CA12: variants seen among roughly 807,000 people sequenced by gnomAD.
CA12 encodes the protein carbonic anhydrase 12.
A neutral mutation model predicts 46.8 loss-of-function variants in CA12; 36 were observed. The ratio of observed to expected loss-of-function variants is 0.77; its 90% confidence interval spans 0.59 to 1.02. The LOEUF (loss-of-function observed/expected upper bound fraction) is 1.02, where lower values mean the gene tolerates loss of function less well. Ranked by LOEUF, CA12 falls within the 50% of genes least tolerant of loss-of-function variation. The probability of loss-of-function intolerance (pLI) is 0.00; values close to 1 mark genes in which losing one functional copy is unlikely to be tolerated. For missense variants in CA12, 436 were observed against 451.4 expected (o/e 0.97, Z 0.31); for synonymous variants, 202 against 187.0 (o/e 1.08, Z -0.65).
At chr15:63,337,392 A>G (rs934239444) in intron 8 of CA12, among the ~76,000 whole-genome samples, 1 of 152,210 alleles carries the variant, frequency 6.6e-6, no homozygotes, top group East Asian at 1.9e-4. Flanking sequence ...AACCCAAAAA[A>G]GTGCACCAGG....
chr15:63,359,292 C>G (rs1256071359), intron 2 of CA12, among the ~76,000 whole-genome samples: 1 of 151,860 alleles, frequency 6.6e-6, no homozygotes, highest in East Asian at 1.9e-4. Flanking sequence ...CTTTTCCTCC[C>G]CCTTCCTCCC....
chr15:63,376,998 G>C (rs946878162), intron 1 of CA12, among the ~76,000 whole-genome samples: 1 of 152,114 alleles, frequency 6.6e-6, no homozygotes, highest in Non-Finnish European at 1.5e-5. Context: ...AGAATTCCAG[G>C]GGTAGTAGGA....
At position 63,328,867 on chromosome 15, in the gene CA12, A is replaced by C. The variant is rs2152609925; in HGVS notation, c.875-737T>G. ...AGGCGTGCACCACAACGCTTGGCTA[A>C]TTTTTGTATTTTTAGTAGAGATGGG... is the stretch of plus-strand genomic sequence containing the variant. On this transcript the variant is annotated intron_variant, in intron 8 of 10. Coordinates refer to ENST00000178638, the MANE Select transcript of CA12 (RefSeq NM_001218.5). This position sits in a 1 kb window ranked among gnomAD's most constrained non-coding sequence, Gnocchi z 5.9. 6.6e-6 allele frequency among the ~76,000 whole-genome samples: 1 copy of C among 151,960 alleles called. No homozygotes were observed. Among genetic ancestry groups the C allele is most frequent in the African/African-American group, 2.4e-5 (1 of 41,432 alleles).
intron 8 of CA12, among the ~76,000 whole-genome samples, chr15:63,334,736 G>A (rs2038977886): frequency 6.6e-6 from 1 of 152,134 alleles, no homozygotes; most frequent in Non-Finnish European, 1.5e-5. Context: ...TACTTCAGAG[G>A]CATCTGCACC....
In CA12 at chr15:63,381,698, G is replaced by A; in HGVS notation, c.23C>T (p.Ala8Val). The change falls in exon 1 of 11, where the codon GCG (alanine) becomes GTG (valine). Residue 8 changes from alanine to valine, a missense_variant. Coordinates refer to ENST00000178638, the MANE Select transcript of CA12 (RefSeq NM_001218.5). Reference protein sequence around the residue: MPRRSLHAAAVLLLVILK... With the variant: MPRRSLHVAAVLLLVILK... Reference sequence around the variant, plus strand: ...GATCACCAGCAGGAGCACGGCCGCCGCGTGCAGGCTGCGCCGGGGCATCTT... The same window carrying A: ...GATCACCAGCAGGAGCACGGCCGCCACGTGCAGGCTGCGCCGGGGCATCTT... The A allele has an allele frequency of 1.2e-6, 2 of 1,608,540 alleles. No homozygotes were observed. Among genetic ancestry groups the A allele is most frequent in the South Asian group, 1.1e-5 (1 of 90,118 alleles).
intron 2 of CA12, 103 bp from the exon 3 acceptor site, chr15:63,346,812 T>C (rs971998738): frequency 2.1e-5 from 28 of 1,362,022 alleles, no homozygotes; most frequent in Non-Finnish European, 2.6e-5. Flanking sequence ...TCTCCTCTTT[T>C]CTGAATCCCC....
Position 63,372,298 on chromosome 15 carries a change from C to T in CA12, c.106+3360G>A, listed in dbSNP as rs899331226. On this transcript the variant is annotated intron_variant, in intron 2 of 10. Coordinates refer to ENST00000178638, the MANE Select transcript of CA12 (RefSeq NM_001218.5). This position sits in a 1 kb window ranked among gnomAD's most constrained non-coding sequence, Gnocchi z 4.5. ...CCCCAGCCTCTCTCTCATGATGCCA[C>T]CTCAGCCATGCTAAGCCCAGCAGCC... 3.3e-5 allele frequency among the ~76,000 whole-genome samples: 5 copies of T among 152,188 alleles called. No homozygotes were observed. Among genetic ancestry groups the T allele is most frequent in the Middle Eastern group, 3.2e-3 (1 of 316 alleles).
rs543415229 is a variant in CA12, at chr15:63,348,272, G to A, written c.107-1563C>T. Reference sequence around the variant, plus strand: ...CTCACTTGGGCATGGCAGAGTCTCCGCTGAGCTCTACTATTCTTATTTTCA... The same window carrying A: ...CTCACTTGGGCATGGCAGAGTCTCCACTGAGCTCTACTATTCTTATTTTCA... On this transcript the variant is annotated intron_variant, in intron 2 of 10. Coordinates refer to ENST00000178638, the MANE Select transcript of CA12 (RefSeq NM_001218.5). The surrounding 1 kb of genome is among the most constrained non-coding windows in gnomAD (Gnocchi z 4.6). Among the ~76,000 whole-genome samples the A allele has an allele frequency of 3.7e-4, 56 of 152,282 alleles. No homozygotes were observed. Among genetic ancestry groups the A allele is most frequent in the African/African-American group, 1.3e-3 (53 of 41,546 alleles).
chr15:63,353,109 C>T (rs2039254296), intron 2 of CA12, among the ~76,000 whole-genome samples: 1 of 152,030 alleles, frequency 6.6e-6, no homozygotes, highest in African/African-American at 2.4e-5. Context: ...ACTCACAGAC[C>T]AGTGTAAGAG....
intron 8 of CA12, among the ~76,000 whole-genome samples, chr15:63,336,492 A>G (rs1220105086): frequency 6.6e-6 from 1 of 150,722 alleles, no homozygotes. Context: ...CCACTTAACC[A>G]TCACAACATA....
At position 63,376,557 on chromosome 15, in the gene CA12, C is replaced by CCTTTCTTTCTTTCTCTTT. The variant is rs1555432624; in HGVS notation, c.86-880_86-879insAAAGAGAAAGAAAGAAAG. Among the ~76,000 whole-genome samples, 27 of 104,622 alleles carry CCTTTCTTTCTTTCTCTTT rather than the reference C, an allele frequency of 2.6e-4. No homozygotes were observed. The East Asian group carries it at 4.9e-3, about 19-fold the overall frequency. 68.6% of individuals were successfully genotyped at this position (104,622 alleles called of 152,430 possible). A position where few individuals can be genotyped will look rare whatever the true frequency, so the allele number is the denominator to read the frequency against. On this transcript the variant is annotated intron_variant, in intron 1 of 10. Coordinates refer to ENST00000178638, the MANE Select transcript of CA12 (RefSeq NM_001218.5). ...CTCTCCCCTCCCACTCTCTTTCTTT[C>CCTTTCTTTCTTTCTCTTT]CTTTCTTTCTTTCTTTCTTTCTTTC...
At chr15:63,362,079 T>A (rs1473091520) in intron 2 of CA12, among the ~76,000 whole-genome samples, 1 of 152,138 alleles carries the variant, frequency 6.6e-6, no homozygotes, top group Admixed American at 6.6e-5. Flanking sequence ...GGCCCTGTGG[T>A]TTCTGTCACT....
At chr15:63,376,600 T>TTCTTTCTTTCTC (rs10623502) in intron 1 of CA12, among the ~76,000 whole-genome samples, 107 of 134,206 alleles carry the variant, frequency 8.0e-4, no homozygotes, top group Middle Eastern at 7.2e-3. Context: ...CTTTCTTTCT[T>TTCTTTCTTTCTC]TCTCTCTCTC....
At chr15:63,357,005 A>G (rs889184394) in intron 2 of CA12, among the ~76,000 whole-genome samples, 4 of 152,250 alleles carry the variant, frequency 2.6e-5, no homozygotes, top group African/African-American at 7.2e-5. Flanking sequence ...TTTAGCCGTA[A>G]AAAGGCTGAT....
chr15:63,375,090 C>G (rs1327645760), intron 2 of CA12, among the ~76,000 whole-genome samples: 1 of 152,170 alleles, frequency 6.6e-6, no homozygotes. Context: ...CCACAGAAAG[C>G]CCAGGCAACA....
At position 63,345,364 on chromosome 15, in the gene CA12, G is replaced by T. The variant is rs1595781309; in HGVS notation, c.429+113C>A. The T allele has an allele frequency of 7.2e-7, 1 of 1,391,448 alleles. No individual in the cohort carries two copies. Among genetic ancestry groups the T allele is most frequent in the Non-Finnish European group, 9.9e-7 (1 of 1,010,746 alleles). 86.2% of individuals were successfully genotyped at this position (1,391,448 alleles called of 1,614,324 possible). On this transcript the variant is annotated intron_variant, in intron 4 of 10. Coordinates refer to ENST00000178638, the MANE Select transcript of CA12 (RefSeq NM_001218.5). This position sits in a 1 kb window ranked among gnomAD's most constrained non-coding sequence, Gnocchi z 4.3. The stretch of plus-strand genomic sequence containing the variant: ...GCCAGGGCCAGAGGTGGGGCAGAGA[G>T]CCTGAAGGCAGCCTGTCCCATGCTC...
chr15:63,381,011 CTGTGTGTGTG>C (rs66492957), intron 1 of CA12, among the ~76,000 whole-genome samples: 2 of 148,234 alleles, frequency 1.3e-5, no homozygotes, highest in Admixed American at 6.8e-5. Context: ...CAGAAATATG[CTGTGTGTGTG>C]TGTGTGTGTG....
At chr15:63,332,687 G>C (rs190647191) in intron 8 of CA12, among the ~76,000 whole-genome samples, 9 of 152,282 alleles carry the variant, frequency 5.9e-5, no homozygotes, top group East Asian at 3.9e-4. Flanking sequence ...TTAAACAAAT[G>C]GTTGATTTTT....
rs997644768 is a variant in CA12 at position 63,323,066 on chromosome 15, G to A, written c.*3219C>T. On this transcript the variant is annotated 3_prime_UTR_variant, in exon 11 of 11. Coordinates refer to ENST00000178638, the MANE Select transcript of CA12 (RefSeq NM_001218.5). The surrounding 1 kb of genome is among the most constrained non-coding windows in gnomAD (Gnocchi z 5.1). ...AGATTATTTGGACGGGTGATAGTAT[G>A]TTTTGCAAAAAGAATTCAAAATAAG... 4.6e-5 allele frequency: 7 copies of A among 152,334 alleles called. No individual in the cohort carries two copies. The highest frequency in any genetic ancestry group is 1.7e-4 in the African/African-American group (7 of 41,564). 9.4% of individuals were successfully genotyped at this position (152,334 alleles called of 1,614,324 possible). A position where few individuals can be genotyped will look rare whatever the true frequency, so the allele number is the denominator to read the frequency against.
Sources: gnomAD v4.1 joint callset for allele counts (sites outside exome capture counted in the v4.1 genomes callset) on GRCh38, gnomAD v4.1.1 for gene constraint, Gnocchi (gnomAD v3.1) non-coding constraint, MANE v1.5 for transcripts, NCBI Gene and HGNC (gene_info 2026-07-23, HGNC 2026-07-21) for gene names.